Variants in DPYD observed in about 807,000 individuals in gnomAD.
DPYD encodes dihydropyrimidine dehydrogenase.
A neutral mutation model predicts 116.2 loss-of-function variants in DPYD; 109 were observed. The ratio of observed to expected loss-of-function variants is 0.94; its 90% CI spans 0.80 to 1.10. The LOEUF is 1.10. DPYD is among the 50% of genes least tolerant of loss of function. The pLI is 0.00. For missense variants in DPYD, 1,302 were observed against 1,254.5 expected, an observed-to-expected ratio of 1.04 and a Z score of -0.57; for synonymous variants, 440 against 432.0, an observed-to-expected ratio of 1.02 and a Z score of -0.23.
At chr1:97,175,551 T>A (rs904829929) in intron 20 of DPYD, among the ~76,000 whole-genome samples, 2 of 152,340 alleles carry the variant, frequency 1.3e-5, no homozygotes, top group Non-Finnish European at 2.9e-5. Context: ...GATAGACTTA[T>A]CAGAATCTTG....
chr1:97,151,178 G>A (rs1654984282), intron 20 of DPYD, among the ~76,000 whole-genome samples: 1 of 152,100 alleles, frequency 6.6e-6, no homozygotes, highest in Non-Finnish European at 1.5e-5. Flanking sequence ...CATTAAAACT[G>A]TAGAAACATT....
intron 20 of DPYD, among the ~76,000 whole-genome samples, chr1:97,119,493 C>G (rs1012003594): frequency 6.6e-6 from 1 of 152,100 alleles, no homozygotes; most frequent in Admixed American, 6.5e-5. Context: ...GAGGGAGTGT[C>G]AGGCTACCAC....
intron 2 of DPYD, among the ~76,000 whole-genome samples, chr1:97,874,236 G>A (rs911027636): frequency 1.3e-5 from 2 of 151,850 alleles, no homozygotes; most frequent in African/African-American, 2.4e-5. Context: ...TGAGTGAAAT[G>A]TATTTGCTTC....
chr1:97,541,425 A>G (rs561392437), intron 12 of DPYD, among the ~76,000 whole-genome samples: 7 of 152,308 alleles, frequency 4.6e-5, no homozygotes, highest in Non-Finnish European at 8.8e-5. Flanking sequence ...AAAAATCTGG[A>G]AAATTGCATT....
chr1:97,769,407 G>A (rs1666034184), intron 3 of DPYD, among the ~76,000 whole-genome samples: 1 of 152,062 alleles, frequency 6.6e-6, no homozygotes, highest in Admixed American at 6.6e-5. Flanking sequence ...TATTTGAGTT[G>A]TGTAACACCA....
intron 13 of DPYD, among the ~76,000 whole-genome samples, chr1:97,475,133 T>C (rs1677881905): frequency 6.6e-6 from 1 of 152,104 alleles, no homozygotes. Flanking sequence ...GCGGCATCAT[T>C]TTTGTGGGCA....
intron 7 of DPYD, among the ~76,000 whole-genome samples, chr1:97,683,302 T>C (rs1311650869): frequency 2.0e-5 from 3 of 151,932 alleles, no homozygotes; most frequent in African/African-American, 7.2e-5. Flanking sequence ...TATGATTTTA[T>C]ATTTATTTTC....
chr1:97,125,058 T>C (rs962203325), intron 20 of DPYD, among the ~76,000 whole-genome samples: 4 of 152,146 alleles, frequency 2.6e-5, no homozygotes, highest in Non-Finnish European at 5.9e-5. Context: ...TTGAAACCTT[T>C]TTAAAAGGCT....
At chr1:97,906,940 C>T (rs1673657475) in intron 1 of DPYD, among the ~76,000 whole-genome samples, 1 of 152,068 alleles carries the variant, frequency 6.6e-6, no homozygotes, top group African/African-American at 2.4e-5. Flanking sequence ...ACTACTGTTG[C>T]ACTCTAGAGC....
chr1:97,470,310 T>C (rs557353910), intron 13 of DPYD, among the ~76,000 whole-genome samples: 85 of 152,050 alleles, frequency 5.6e-4, no homozygotes, highest in Non-Finnish European at 1.0e-3. Flanking sequence ...AAAATGAAGA[T>C]AGTCAGAGAT....
chr1:97,188,762 G>A (rs1658167222), intron 20 of DPYD, among the ~76,000 whole-genome samples: 1 of 152,148 alleles, frequency 6.6e-6, no homozygotes, highest in Non-Finnish European at 1.5e-5. Flanking sequence ...CTCCTACATG[G>A]TAGACATTGC....
At chr1:97,784,477 T>C (rs959121501) in intron 3 of DPYD, among the ~76,000 whole-genome samples, 3 of 152,098 alleles carry the variant, frequency 2.0e-5, no homozygotes, top group Non-Finnish European at 4.4e-5. Flanking sequence ...CAAATGTAAA[T>C]ATATGTAGTT....
At chr1:97,730,090 T>C (rs978182349) in intron 4 of DPYD, among the ~76,000 whole-genome samples, 1 of 152,292 alleles carries the variant, frequency 6.6e-6, no homozygotes, top group African/African-American at 2.4e-5. Flanking sequence ...ATATTTGCGG[T>C]AGTCTTATAT....
intron 16 of DPYD, among the ~76,000 whole-genome samples, chr1:97,314,333 G>C (rs557313373): frequency 6.6e-6 from 1 of 151,860 alleles, no homozygotes; most frequent in East Asian, 2.0e-4. Flanking sequence ...TCAGCTAAGG[G>C]GAACTATATT....
At chr1:97,710,728 A>AG (rs1662235267) in intron 5 of DPYD, among the ~76,000 whole-genome samples, 2 of 151,812 alleles carry the variant, frequency 1.3e-5, no homozygotes, top group Non-Finnish European at 3.0e-5. Context: ...ATGAAAAAAA[A>AG]CATAGACTCT....
chr1:97,188,002 A>G (rs1246063244), intron 20 of DPYD, among the ~76,000 whole-genome samples: 6 of 152,086 alleles, frequency 3.9e-5, no homozygotes, highest in Non-Finnish European at 8.8e-5. Flanking sequence ...AGGTCAGGTA[A>G]TGTGATGACT....
chr1:97,466,111 C>T lies in DPYD; in HGVS notation c.1741-15888G>A, dbSNP rs533256315. ...GAGAGACCCTGTTTTTAAATAAATACATAAATTGATTGAGACATGTCTCAC... is the reference window on the plus strand; with the variant it reads ...GAGAGACCCTGTTTTTAAATAAATATATAAATTGATTGAGACATGTCTCAC... On this transcript the variant is annotated intron_variant, in intron 13 of 22. Transcript: ENST00000370192. 1.5e-3 allele frequency among the ~76,000 whole-genome samples: 224 copies of T among 152,234 alleles called. 1 individual carries two copies. Among genetic ancestry groups the T allele is most frequent in the African/African-American group, 5.3e-3 (220 of 41,536 alleles).
chr1:97,092,428 C>A (rs1322387867), intron 21 of DPYD, among the ~76,000 whole-genome samples: 1 of 152,112 alleles, frequency 6.6e-6, no homozygotes, highest in Non-Finnish European at 1.5e-5. Context: ...TGCTTTCTGA[C>A]CTTGTGGACC....
At position 97,173,491 on chromosome 1, in the gene DPYD, C is replaced by A. The variant is rs575418270; in HGVS notation, c.2622+19578G>T. Among the ~76,000 whole-genome samples, 224 of 147,604 alleles carry A rather than the reference C, an allele frequency of 1.5e-3. No homozygotes were observed. The Middle Eastern group carries it at 0.044, about 29-fold the overall frequency. On this transcript the variant is annotated intron_variant, in intron 20 of 22. Coordinates refer to ENST00000370192, the MANE Select transcript of DPYD (RefSeq NM_000110.4). ...CACACATAATGTGTATATATATACA[C>A]GCATATATAAAATACACACACAAAA...
Sources: gnomAD v4.1 joint callset for allele counts (sites outside exome capture counted in the v4.1 genomes callset) on GRCh38, gnomAD v4.1.1 for gene constraint, MANE v1.5 for transcripts, NCBI Gene and HGNC (gene_info 2026-07-23, HGNC 2026-07-21) for gene names.